CTNNA2: variants seen among roughly 807,000 people sequenced by gnomAD.
The protein encoded by CTNNA2 is catenin alpha 2, also known as catenin alpha-2.
Under a neutral mutation model 101.0 loss-of-function variants are expected in CTNNA2, and 42 were observed. That is an observed-to-expected ratio of 0.42 (90% CI 0.32 to 0.54). The LOEUF is 0.54. CTNNA2 is among the 20% of genes least tolerant of loss of function. The pLI is 0.14. For missense variants in CTNNA2, 871 were observed against 1,223.1 expected (o/e 0.71, Z 4.29); for synonymous variants, 450 against 456.4 (o/e 0.99, Z 0.18).
chr2:79,741,116 A>G (rs1317799134), intron 2 of CTNNA2, among the ~76,000 whole-genome samples: 3 of 152,258 alleles, frequency 2.0e-5, no homozygotes, highest in African/African-American at 7.2e-5. Context: ...GTGAATTTGC[A>G]TAGCAAGGGC....
At chr2:80,544,036 C>G (rs1691816729) in intron 9 of CTNNA2, among the ~76,000 whole-genome samples, 1 of 152,084 alleles carries the variant, frequency 6.6e-6, no homozygotes. Flanking sequence ...CTTGGCTAAT[C>G]AATCTCACCT....
At chr2:80,232,345 GTTTTTTTTTTTTTTTTTTT>G (rs61454985) in intron 7 of CTNNA2, among the ~76,000 whole-genome samples, 43 of 64,834 alleles carry the variant, frequency 6.6e-4, no homozygotes, top group African/African-American at 2.8e-3. Context: ...TTGTTTGTTT[GTTTTTTTTTTTTTTTTTTT>G]TTTTTTTTTT....
intron 7 of CTNNA2, among the ~76,000 whole-genome samples, chr2:80,354,680 G>C (rs1388586899): frequency 6.6e-6 from 1 of 152,118 alleles, no homozygotes; most frequent in East Asian, 1.9e-4. Context: ...CAGAATGATA[G>C]GGAAATATAT....
rs190512456 is a variant in CTNNA2, at chr2:79,204,655, A to T, written c.-406+6579A>T. Among the ~76,000 whole-genome samples, 146 of 152,328 alleles carry T rather than the reference A, an allele frequency of 9.6e-4. 1 individual carries two copies. The highest frequency in any genetic ancestry group is 3.4e-3 in the Middle Eastern group (1 of 294). The stretch of plus-strand genomic sequence containing the variant: ...AGACTAGGTAATTTATTTTTAAAAA[A>T]TAGAAATTTATGTCTCATAGTTCTG... On this transcript the variant is annotated intron_variant, in intron 2 of 21. Coordinates refer to the CTNNA2 transcript ENST00000466387.
At chr2:79,730,509 T>C (rs1687130623) in intron 2 of CTNNA2, among the ~76,000 whole-genome samples, 1 of 152,012 alleles carries the variant, frequency 6.6e-6, no homozygotes, top group South Asian at 2.1e-4. Context: ...CCTGTGGCTT[T>C]CAAGTATAAT....
chr2:80,617,800 G>T (rs1455311426), intron 17 of CTNNA2, among the ~76,000 whole-genome samples: 1 of 151,730 alleles, frequency 6.6e-6, no homozygotes, highest in African/African-American at 2.4e-5. Context: ...CTTAGAAATA[G>T]AATTATATTG....
At chr2:80,328,494 G>A (rs1671027187) in intron 7 of CTNNA2, 1 of 423,050 alleles carries the variant, frequency 2.4e-6, no homozygotes, top group South Asian at 1.8e-5. Flanking sequence ...GCAGCAGGTA[G>A]TCCAGAGAGT....
intron 1 of CTNNA2, among the ~76,000 whole-genome samples, chr2:79,537,298 C>A (rs1034497339): frequency 1.8e-4 from 28 of 152,144 alleles, no homozygotes; most frequent in African/African-American, 6.3e-4. Context: ...ATGTTTCCCC[C>A]TAGATTTCTG....
At chr2:79,498,119 A>G (rs1671278833) in intron 4 of CTNNA2, 4 of 152,210 alleles carry the variant, frequency 2.6e-5, no homozygotes, top group Admixed American at 6.5e-5. Context: ...CTTTCCTCCT[A>G]TATGTAGATA....
intron 1 of CTNNA2, chr2:79,523,325 T>C (rs1170565576): frequency 2.6e-6 from 1 of 386,224 alleles, no homozygotes; most frequent in Admixed American, 3.6e-5. Flanking sequence ...TGTAGCTGTG[T>C]ATATACATAT....
At chr2:79,356,034 C>A (rs974276383) in intron 3 of CTNNA2, among the ~76,000 whole-genome samples, 2 of 151,582 alleles carry the variant, frequency 1.3e-5, no homozygotes, top group Non-Finnish European at 2.9e-5. Flanking sequence ...ACTAATGTGG[C>A]TGCAGCATTT....
At chr2:79,724,789 G>A (rs748328531) in intron 2 of CTNNA2, among the ~76,000 whole-genome samples, 7 of 143,240 alleles carry the variant, frequency 4.9e-5, no homozygotes, top group Non-Finnish European at 1.5e-5. Context: ...CATTCCAGCC[G>A]GGGCGACAGA....
chr2:80,136,738 G>A (rs1370909059), intron 7 of CTNNA2, among the ~76,000 whole-genome samples: 1 of 151,862 alleles, frequency 6.6e-6, no homozygotes, highest in Non-Finnish European at 1.5e-5. Flanking sequence ...TTTTATTTTC[G>A]CTGAGTCTGT....
chr2:79,759,291 G>T (rs1217316304), intron 3 of CTNNA2, among the ~76,000 whole-genome samples: 1 of 152,120 alleles, frequency 6.6e-6, no homozygotes, highest in African/African-American at 2.4e-5. Context: ...TACTAGAGAG[G>T]CTGGGGCAGG....
At chr2:80,135,564 A>G (rs1702648498) in intron 7 of CTNNA2, among the ~76,000 whole-genome samples, 1 of 152,104 alleles carries the variant, frequency 6.6e-6, no homozygotes, top group Non-Finnish European at 1.5e-5. Context: ...ATCATTGTAC[A>G]CTTTTGCCCT....
chr2:79,894,657 A>G (rs138072696), intron 6 of CTNNA2, among the ~76,000 whole-genome samples: 4 of 152,196 alleles, frequency 2.6e-5, no homozygotes, highest in South Asian at 2.1e-4. Context: ...TAATAAATTT[A>G]TATTCAGCCT....
At chr2:79,587,053 T>C (rs558605522) in intron 1 of CTNNA2, among the ~76,000 whole-genome samples, 27 of 152,314 alleles carry the variant, frequency 1.8e-4, no homozygotes, top group African/African-American at 6.3e-4. Context: ...CCACATTTTC[T>C]TTATCCACTC....
intron 4 of CTNNA2, among the ~76,000 whole-genome samples, chr2:79,425,845 A>T (rs1444642062): frequency 1.3e-5 from 2 of 152,192 alleles, no homozygotes; most frequent in African/African-American, 4.8e-5. Context: ...AAGAATAAAG[A>T]TGTTTATCTT....
chr2:79,191,086 C>CA (rs1431225872), intron 1 of CTNNA2, among the ~76,000 whole-genome samples: 3 of 152,188 alleles, frequency 2.0e-5, no homozygotes, highest in Non-Finnish European at 4.4e-5. Context: ...TACACACTGT[C>CA]AGAGTCTAGA....
Sources: allele counts gnomAD v4.1 joint callset (sites outside exome capture counted in the v4.1 genomes callset), GRCh38; gene constraint gnomAD v4.1.1; transcripts MANE v1.5; gene names NCBI Gene and HGNC (gene_info 2026-07-23, HGNC 2026-07-21).